WWOX: variants seen among roughly 807,000 people sequenced by gnomAD.
WWOX encodes WW domain containing oxidoreductase.
Under a neutral mutation model 46.2 loss-of-function variants are expected in WWOX, and 69 were observed. The ratio of observed to expected loss-of-function variants is 1.49; its 90% CI spans 1.23 to 1.82. WWOX has a LOEUF of 1.82. Among genes scored for constraint, WWOX ranks in the 40% most tolerant of loss-of-function variants. The pLI is 0.00. For missense variants in WWOX, 919 were observed against 542.6 expected (o/e 1.69, Z -6.89); for synonymous variants, 359 against 202.6 (o/e 1.77, Z -6.56).
chr16:78,853,415 G>C (rs931872054), intron 8 of WWOX, among the ~76,000 whole-genome samples: 3 of 152,020 alleles, frequency 2.0e-5, no homozygotes, highest in African/African-American at 7.2e-5. Flanking sequence ...GTTTTGCCAC[G>C]TTAACCAGGC....
chr16:78,862,494 A>G (rs772275942), intron 8 of WWOX, among the ~76,000 whole-genome samples: 3 of 151,978 alleles, frequency 2.0e-5, no homozygotes, highest in African/African-American at 7.2e-5. Context: ...ACACACACAC[A>G]TTTTTCTGTA....
intron 8 of WWOX, among the ~76,000 whole-genome samples, chr16:78,600,741 G>A (rs2045601775): frequency 1.3e-5 from 2 of 152,182 alleles, no homozygotes; most frequent in Admixed American, 1.3e-4. Flanking sequence ...CCTGAAGTCT[G>A]GACACTGAGA....
At chr16:79,110,707 A>T (rs1344887674) in intron 8 of WWOX, 1 of 152,188 alleles carries the variant, frequency 6.6e-6, no homozygotes, top group South Asian at 2.1e-4. Flanking sequence ...AGCCACTTTC[A>T]ACAATTCTGA....
At position 78,406,339 on chromosome 16, in the gene WWOX, TA is replaced by T. The variant is rs1567553432; in HGVS notation, c.606-18530del. Among the ~76,000 whole-genome samples the T allele has an allele frequency of 3.3e-4, 35 of 105,914 alleles. 1 individual carries two copies. The highest frequency in any genetic ancestry group is 1.2e-3 in the East Asian group (5 of 4,090). The allele number at this position is 105,914 out of a possible 152,430, so 69.5% of individuals were successfully genotyped here. On this transcript the variant is annotated intron_variant, in intron 6 of 8. Transcript: ENST00000566780. ...ATATATATATATATATATATATATATATATATATATATATATTTTATTATTT... is the reference window on the plus strand; with the variant it reads ...ATATATATATATATATATATATATATTATATATATATATATTTTATTATTT...
chr16:79,019,157 C>CAAAAAAAAAAAAAAAAAA (rs903333994), intron 8 of WWOX, among the ~76,000 whole-genome samples: 12 of 24,564 alleles, frequency 4.9e-4, no homozygotes, highest in African/African-American at 1.2e-3. Context: ...GACCTTGTCT[C>CAAAAAAAAAAAAAAAAAA]AAAAAAAAAA....
At chr16:79,044,824 G>A (rs146894421) in intron 8 of WWOX, among the ~76,000 whole-genome samples, 23 of 151,976 alleles carry the variant, frequency 1.5e-4, no homozygotes, top group Non-Finnish European at 2.9e-4. Context: ...AAGGCCCAGC[G>A]CTGCCACTTA....
At chr16:78,474,918 T>C (rs904046281) in intron 8 of WWOX, among the ~76,000 whole-genome samples, 1 of 152,236 alleles carries the variant, frequency 6.6e-6, no homozygotes, top group African/African-American at 2.4e-5. Flanking sequence ...CCTTGTTTTT[T>C]CTTACAAATA....
chr16:78,127,069 C>G (rs755196303), intron 4 of WWOX, among the ~76,000 whole-genome samples: 1 of 152,196 alleles, frequency 6.6e-6, no homozygotes, highest in Non-Finnish European at 1.5e-5. Context: ...GGAACACTGA[C>G]TCTGGAAGCA....
intron 6 of WWOX, among the ~76,000 whole-genome samples, chr16:78,424,225 C>G (rs59615017): frequency 0.12 from 16,900 of 144,984 alleles, 1,129 homozygotes; most frequent in East Asian, 0.24. Flanking sequence ...TCAAGTGATT[C>G]TCCGGCCTCA....
At chr16:78,824,453 T>C (rs1373715170) in intron 8 of WWOX, among the ~76,000 whole-genome samples, 1 of 152,206 alleles carries the variant, frequency 6.6e-6, no homozygotes, top group Non-Finnish European at 1.5e-5. Flanking sequence ...TCAGATACTT[T>C]CCTAGGTGCT....
At chr16:78,681,546 CAAA>C (rs35341099) in intron 8 of WWOX, among the ~76,000 whole-genome samples, 1 of 141,566 alleles carries the variant, frequency 7.1e-6, no homozygotes. Context: ...CCTCCATATA[CAAA>C]AAAAAAAAAA....
intron 8 of WWOX, among the ~76,000 whole-genome samples, chr16:79,075,576 G>C (rs184136010): frequency 6.6e-6 from 1 of 150,870 alleles, no homozygotes; most frequent in Non-Finnish European, 1.5e-5. Context: ...TTGTTTAGAC[G>C]GAGTCTTGCT....
At chr16:79,040,637 A>T (rs2047953087) in intron 8 of WWOX, among the ~76,000 whole-genome samples, 1 of 152,178 alleles carries the variant, frequency 6.6e-6, no homozygotes, top group Middle Eastern at 3.4e-3. Flanking sequence ...ACTGTAAAAC[A>T]GATCAGTTTT....
At chr16:78,581,754 C>T (rs530624904) in intron 8 of WWOX, among the ~76,000 whole-genome samples, 21 of 152,290 alleles carry the variant, frequency 1.4e-4, no homozygotes, top group African/African-American at 5.1e-4. Flanking sequence ...CTTGTAACAC[C>T]AGGTTCCCTA....
intron 8 of WWOX, among the ~76,000 whole-genome samples, chr16:79,120,829 C>G (rs138801370): frequency 6.6e-6 from 1 of 152,222 alleles, no homozygotes; most frequent in Non-Finnish European, 1.5e-5. Flanking sequence ...AGTGCAGTGG[C>G]ATGATCTTGG....
rs981414330 is a variant in WWOX, at chr16:78,601,071, C to G, written c.1056+168319C>G. On this transcript the variant is annotated intron_variant, in intron 8 of 8. Coordinates refer to ENST00000566780, the MANE Select transcript of WWOX (RefSeq NM_016373.4). Reference sequence around the variant, plus strand: ...TACCTGGGGCAGGGATGTAAATACCCTGATTTTATGTGTCAGGCCTTCAGG... The same window carrying G: ...TACCTGGGGCAGGGATGTAAATACCGTGATTTTATGTGTCAGGCCTTCAGG... Among the ~76,000 whole-genome samples, 6 of 152,150 alleles carry G rather than the reference C, an allele frequency of 3.9e-5. No individual in the cohort carries two copies. The South Asian group carries it at 1.2e-3, about 31-fold the overall frequency.
chr16:78,962,369 G>A lies in WWOX; in HGVS notation c.1057-249239G>A, dbSNP rs1239799289. 3.5e-5 allele frequency among the ~76,000 whole-genome samples: 4 copies of A among 114,272 alleles called. No homozygotes were observed. In the Admixed American group the frequency reaches 5.1e-4, roughly 15 times the overall value. 75.0% of individuals were successfully genotyped at this position (114,272 alleles called of 152,430 possible). A position where few individuals can be genotyped will look rare whatever the true frequency, so the allele number is the denominator to read the frequency against. Reference sequence around the variant, plus strand: ...AGGAATGTGATTGTGAAGGAAGCAAGAAAAGGCCCAAAGGCTCTGGACAAG... The same window carrying A: ...AGGAATGTGATTGTGAAGGAAGCAAAAAAAGGCCCAAAGGCTCTGGACAAG... On this transcript the variant is annotated intron_variant, in intron 8 of 8. Coordinates refer to ENST00000566780, the MANE Select transcript of WWOX (RefSeq NM_016373.4).
At chr16:79,139,248 G>T (rs904166454) in intron 8 of WWOX, among the ~76,000 whole-genome samples, 2 of 152,252 alleles carry the variant, frequency 1.3e-5, no homozygotes, top group Non-Finnish European at 2.9e-5. Flanking sequence ...GAGAAGGACA[G>T]ATTTTCTTTG....
At chr16:79,082,929 G>A (rs28393954) in intron 8 of WWOX, among the ~76,000 whole-genome samples, 1,537 of 152,228 alleles carry the variant, frequency 0.01, 30 homozygotes, top group African/African-American at 0.035. Context: ...GGAGGCCGGG[G>A]ATACTAGAAG....
Sources: allele counts gnomAD v4.1 joint callset (sites outside exome capture counted in the v4.1 genomes callset), GRCh38; gene constraint gnomAD v4.1.1; transcripts MANE v1.5; gene names NCBI Gene and HGNC (gene_info 2026-07-23, HGNC 2026-07-21).